ADRA1B: variants seen among roughly 807,000 people sequenced by gnomAD.
The protein encoded by ADRA1B is adrenoceptor alpha 1B.
A neutral mutation model predicts 17.9 loss-of-function variants in ADRA1B; 17 were observed. The ratio of observed to expected loss-of-function variants is 0.95; its 90% confidence interval spans 0.65 to 1.42. The LOEUF is 1.42. Ranked by LOEUF, ADRA1B falls within the 40% of genes most tolerant of loss-of-function variation. ADRA1B has a pLI of 0.00. For missense variants in ADRA1B, 681 were observed against 722.1 expected (o/e 0.94, Z 0.65); for synonymous variants, 366 against 327.6 (o/e 1.12, Z -1.27).
upstream of ADRA1B, among the ~76,000 whole-genome samples, chr5:159,915,105 G>T (rs892159665): frequency 6.6e-6 from 1 of 152,148 alleles, no homozygotes; most frequent in African/African-American, 2.4e-5. Context: ...AGTGGCTCAG[G>T]CCCCAAAATT....
intron 1 of ADRA1B, among the ~76,000 whole-genome samples, chr5:159,930,930 T>C (rs1754785449): frequency 1.3e-5 from 2 of 149,438 alleles, no homozygotes; most frequent in South Asian, 4.2e-4. Flanking sequence ...AAACTATCAA[T>C]GGCCAAAAAA....
chr5:159,986,532 C>T, the ADRA1B span, among the ~76,000 whole-genome samples: 8 of 152,152 alleles, frequency 5.3e-5, no homozygotes, highest in Non-Finnish European at 1.2e-4. Flanking sequence ...CTTTTAGTAC[C>T]AAGAGCTGGA....
chr5:159,964,409 CTTA>C (rs1422319050), intron 1 of ADRA1B, among the ~76,000 whole-genome samples: 1 of 152,162 alleles, frequency 6.6e-6, no homozygotes, highest in African/African-American at 2.4e-5. Context: ...TTGTTTTCAT[CTTA>C]TTTTCTCCAC....
chr5:159,972,452 G>T lies in ADRA1B; in HGVS notation c.1523G>T (p.Gly508Val). The T allele has an allele frequency of 6.7e-7, 1 of 1,486,016 alleles. No homozygotes were observed. Among genetic ancestry groups the T allele is most frequent in the Non-Finnish European group, 8.9e-7 (1 of 1,121,658 alleles). The allele number at this position is 1,486,016 out of a possible 1,614,324, so 92.1% of individuals were successfully genotyped here. A position where few individuals can be genotyped will look rare whatever the true frequency, so the allele number is the denominator to read the frequency against. Reference sequence around the variant, plus strand: ...GCCGACGTGGCCAACGGGCAGCCGGGCTTCAAAAGCAACATGCCCCTGGCG... The same window carrying T: ...GCCGACGTGGCCAACGGGCAGCCGGTCTTCAAAAGCAACATGCCCCTGGCG... ...AAADVANGQP[G>V]FKSNMPLAPG... The change falls in exon 2 of 2, where the codon GGC (glycine) becomes GTC (valine). Residue 508 changes from glycine to valine, a missense_variant. Gly to Val is a moderately radical substitution (Grantham distance 109). Coordinates refer to ENST00000306675, the MANE Select transcript of ADRA1B (RefSeq NM_000679.4).
chr5:159,951,638 C>T lies in ADRA1B; in HGVS notation c.950-20241C>T, dbSNP rs527623857. The T allele has an allele frequency of 2.4e-5, 9 of 378,048 alleles. No homozygotes were observed. In the East Asian group the frequency reaches 3.2e-4, roughly 13 times the overall value. 23.4% of individuals were successfully genotyped at this position (378,048 alleles called of 1,614,324 possible). A position where few individuals can be genotyped will look rare whatever the true frequency, so the allele number is the denominator to read the frequency against. On this transcript the variant is annotated intron_variant, in intron 1 of 1. Transcript: ENST00000306675. ...CACTGTGAGACAGGGGCAAAGAATG[C>T]AGTCTGCTCCTCGGGCCGGAACCTG...
intron 1 of ADRA1B, among the ~76,000 whole-genome samples, chr5:159,931,193 C>G (rs537994686): frequency 6.9e-6 from 1 of 143,986 alleles, no homozygotes; most frequent in African/African-American, 2.6e-5. Flanking sequence ...AGTTCGAGAC[C>G]AATCTGGGCA....
At chr5:159,985,488 C>T in the ADRA1B span, among the ~76,000 whole-genome samples, 1 of 152,190 alleles carries the variant, frequency 6.6e-6, no homozygotes, top group African/African-American at 2.4e-5. Flanking sequence ...TCTGGCCAGG[C>T]CCCAAGTAGT....
rs371293267 is a variant in ADRA1B at position 159,965,914 on chromosome 5, C to T, written c.950-5965C>T. Among the ~76,000 whole-genome samples the T allele has an allele frequency of 4.1e-4, 62 of 152,240 alleles. No homozygotes were observed. In the South Asian group the frequency reaches 0.012, roughly 31 times the overall value. On this transcript the variant is annotated intron_variant, in intron 1 of 1. Transcript: ENST00000306675. ...TCTCAGCTCACTGCAACTTCCACCTCCTGGGTTCAAGCGAGCATTTTGGCT... is the reference window on the plus strand; with the variant it reads ...TCTCAGCTCACTGCAACTTCCACCTTCTGGGTTCAAGCGAGCATTTTGGCT...
At chr5:159,886,404 T>C (rs963567533) in intron 1 of ADRA1B, among the ~76,000 whole-genome samples, 3 of 152,186 alleles carry the variant, frequency 2.0e-5, no homozygotes, top group Admixed American at 6.5e-5. Flanking sequence ...GCAAGATCCT[T>C]GCCAATGAGG....
At chr5:159,888,252 T>C (rs1240463352) in intron 1 of ADRA1B, 2 of 152,114 alleles carry the variant, frequency 1.3e-5, no homozygotes, top group African/African-American at 4.8e-5. Context: ...ATATACCTAC[T>C]ATGAGTATGG....
chr5:159,950,698 C>T (rs1755411253), intron 1 of ADRA1B: 2 of 703,386 alleles, frequency 2.8e-6, no homozygotes, highest in East Asian at 2.5e-5. Flanking sequence ...CTTGGGGGGA[C>T]ACTCCAATGC....
chr5:159,920,379 C>T (rs1754446419), intron 1 of ADRA1B, among the ~76,000 whole-genome samples: 2 of 152,200 alleles, frequency 1.3e-5, no homozygotes, highest in Non-Finnish European at 2.9e-5. Context: ...TTACCCCCAT[C>T]GTCTCTCTCC....
chr5:159,978,396 T>A, the ADRA1B span, among the ~76,000 whole-genome samples: 2 of 152,192 alleles, frequency 1.3e-5, no homozygotes, highest in African/African-American at 2.4e-5. Context: ...CTGTAAGAAG[T>A]GGCATCTGAT....
chr5:159,884,132 T>C (rs144884092), intron 1 of ADRA1B, among the ~76,000 whole-genome samples: 5 of 152,310 alleles, frequency 3.3e-5, no homozygotes, highest in Admixed American at 3.3e-4. Flanking sequence ...AAATCAATTA[T>C]GGATGTAGAC....
intron 1 of ADRA1B, among the ~76,000 whole-genome samples, chr5:159,954,266 C>G (rs1025353972): frequency 4.6e-5 from 7 of 152,148 alleles, no homozygotes; most frequent in Non-Finnish European, 1.0e-4. Context: ...GCTGGAAGTC[C>G]GAGATCAGGG....
At chr5:159,882,243 G>C (rs1173363817) in intron 1 of ADRA1B, among the ~76,000 whole-genome samples, 2 of 152,210 alleles carry the variant, frequency 1.3e-5, no homozygotes, top group East Asian at 3.9e-4. Flanking sequence ...GTCATCAAAG[G>C]GTGTGCCTCA....
At chr5:159,899,743 A>G (rs899662550) in intron 1 of ADRA1B, among the ~76,000 whole-genome samples, 3 of 152,216 alleles carry the variant, frequency 2.0e-5, no homozygotes, top group African/African-American at 7.2e-5. Flanking sequence ...GACTGTAAAG[A>G]TGGGTCTTTA....
chr5:159,888,599 TAGA>T (rs964922008), intron 1 of ADRA1B: 16 of 151,952 alleles, frequency 1.1e-4, no homozygotes, highest in African/African-American at 3.9e-4. Context: ...CTGGAAATAG[TAGA>T]AGAACAAAAA....
In ADRA1B at chr5:159,972,634, G is replaced by A. The variant is rs1755904939; in HGVS notation, c.*142G>A. On this transcript the variant is annotated 3_prime_UTR_variant, in exon 2 of 2. Coordinates refer to ENST00000306675, the MANE Select transcript of ADRA1B (RefSeq NM_000679.4). Reference sequence around the variant, plus strand: ...ACCGGGGGGAGGGCCGGGGAGAGGGGCAGCTGCTTTTCTGGCAGGGGCATG... The same window carrying A: ...ACCGGGGGGAGGGCCGGGGAGAGGGACAGCTGCTTTTCTGGCAGGGGCATG... The A allele has an allele frequency of 1.0e-6, 1 of 958,904 alleles. No individual in the cohort carries two copies. Among genetic ancestry groups the A allele is most frequent in the South Asian group, 2.3e-5 (1 of 44,296 alleles). The allele number at this position is 958,904 out of a possible 1,614,324, so 59.4% of individuals were successfully genotyped here.
Sources: gnomAD v4.1 joint callset for allele counts (sites outside exome capture counted in the v4.1 genomes callset) on GRCh38, gnomAD v4.1.1 for gene constraint, MANE v1.5 for transcripts, NCBI Gene and HGNC (gene_info 2026-07-23, HGNC 2026-07-21) for gene names.